CLSTN3: variants seen among roughly 807,000 people sequenced by gnomAD.
CLSTN3 encodes calsyntenin-3.
A neutral mutation model predicts 95.9 loss-of-function variants in CLSTN3; 36 were observed. The observed-to-expected ratio is 0.38, with a 90% confidence interval of 0.29 to 0.50. The LOEUF is 0.50. Among genes scored for constraint, CLSTN3 ranks in the 20% least tolerant of loss-of-function variants. CLSTN3 has a pLI of 0.95. For synonymous variants in CLSTN3, 481 were observed against 504.0 expected (o/e 0.95, Z 0.61); for missense variants, 1,084 against 1,268.8 (o/e 0.85, Z 2.21).
rs866530902 is a variant in CLSTN3, at chr12:7,142,084, A to G, written c.1487-2A>G. ...CTGTTTTTTTTTTTTTTTTATCCCC[A>G]GAGGAGAAGAACAAAGAGAAGGAAA... On this transcript the variant is annotated splice_acceptor_variant, in intron 9 of 17. Transcript: ENST00000266546. LOFTEE classifies it high-confidence loss of function. 6.4e-7 allele frequency: 1 copy of G among 1,563,760 alleles called. No individual in the cohort carries two copies. The highest frequency in any genetic ancestry group is 8.7e-7 in the Non-Finnish European group (1 of 1,149,280).
In CLSTN3 at chr12:7,137,812, G is replaced by GAGAA; in HGVS notation, c.1211-140_1211-139insAAGA. 1.7e-6 allele frequency: 1 copy of GAGAA among 578,024 alleles called. No individual in the cohort carries two copies. The allele number at this position is 578,024 out of a possible 1,614,324, so 35.8% of individuals were successfully genotyped here. A position where few individuals can be genotyped will look rare whatever the true frequency, so the allele number is the denominator to read the frequency against. ...TGTGTGTGTGAGAGAGAGAGAGAGAGAGAGAGAGAGGAAAGAAAAATGCTA... is the reference window on the plus strand; with the variant it reads ...TGTGTGTGTGAGAGAGAGAGAGAGAGAGAAAGAGAGAGAGGAAAGAAAAATGCTA... On this transcript the variant is annotated intron_variant, in intron 7 of 17. Coordinates refer to ENST00000266546, the MANE Select transcript of CLSTN3 (RefSeq NM_014718.4). The surrounding 1 kb of genome is among the most constrained non-coding windows in gnomAD (Gnocchi z 4.4).
Position 7,158,145 on chromosome 12 carries a change from G to T in CLSTN3, c.*64G>T. On this transcript the variant is annotated 3_prime_UTR_variant, in exon 18 of 18. Coordinates refer to ENST00000266546, the MANE Select transcript of CLSTN3 (RefSeq NM_014718.4). ...CTGGTGAAACAGACACTCCAGACAT[G>T]GGAGAAGGACTTTCTGGGAACACAG... 6.9e-7 allele frequency: 1 copy of T among 1,444,520 alleles called. No individual in the cohort carries two copies. The allele number at this position is 1,444,520 out of a possible 1,614,324, so 89.5% of individuals were successfully genotyped here. A position where few individuals can be genotyped will look rare whatever the true frequency, so the allele number is the denominator to read the frequency against.
chr12:7,131,056 G>A, intron 1 of CLSTN3: 1 of 442,392 alleles, frequency 2.3e-6, no homozygotes, highest in Non-Finnish European at 4.2e-6. Context: ...CCCCGAGCCG[G>A]TGATAGGCCT....
In CLSTN3 at chr12:7,142,121, A is replaced by T; in HGVS notation, c.1522A>T (p.Ser508Cys). Reference protein sequence around the residue: ...KNKEKEKGDNSTDTTQGDPLS... With the variant: ...KNKEKEKGDNCTDTTQGDPLS... ...CAAAGAGAAGGAAAAGGGAGACAAC[A>T]GTACAGACACCACCCAAGGTACTCC... The change falls in exon 10 of 18, where the codon AGT (serine) becomes TGT (cysteine). Residue 508 changes from serine (S) to cysteine (C), a missense_variant. Transcript: ENST00000266546. 6.2e-7 allele frequency: 1 copy of T among 1,609,826 alleles called. No individual in the cohort carries two copies. The highest frequency in any genetic ancestry group is 8.5e-7 in the Non-Finnish European group (1 of 1,177,550).
At chr12:7,131,673 C>G in intron 1 of CLSTN3, 1 of 424,508 alleles carries the variant, frequency 2.4e-6, no homozygotes, top group South Asian at 1.7e-5. Flanking sequence ...GGAGGGGGAG[C>G]TGTGCAGAGG....
intron 10 of CLSTN3, 132 bp from the exon 11 acceptor site, chr12:7,142,737 G>C: frequency 4.5e-6 from 1 of 224,116 alleles, no homozygotes; most frequent in South Asian, 7.6e-5. Flanking sequence ...TTTTTTTTTG[G>C]TTTCCACATT....
intron 16 of CLSTN3, 184 bp downstream of exon 16, chr12:7,151,247 C>G (rs1565654049): frequency 1.7e-6 from 1 of 585,972 alleles, no homozygotes; most frequent in East Asian, 3.3e-5. Flanking sequence ...GGATCATTCA[C>G]TTTCCCTTGT....
intron 1 of CLSTN3, 29 bp downstream of exon 1, chr12:7,130,741 A>C: frequency 1.3e-6 from 2 of 1,519,120 alleles, no homozygotes; most frequent in East Asian, 2.4e-5. Context: ...GGGGTACCGA[A>C]AGAGGGGCGT....
intron 12 of CLSTN3, among the ~76,000 whole-genome samples, chr12:7,146,802 G>A (rs1287758455): frequency 6.6e-6 from 1 of 152,314 alleles, no homozygotes; most frequent in South Asian, 2.1e-4. Flanking sequence ...CAGCGGCACA[G>A]CACAGCATTG....
At chr12:7,154,091 T>C (rs756024878) in intron 16 of CLSTN3, among the ~76,000 whole-genome samples, 1 of 152,330 alleles carries the variant, frequency 6.6e-6, no homozygotes, top group African/African-American at 2.4e-5. Context: ...GACACAGAGT[T>C]CGTAGCTTCC....
chr12:7,149,733 C>A lies in CLSTN3; in HGVS notation c.2245+40C>A. 6.5e-7 allele frequency: 1 copy of A among 1,541,248 alleles called. No homozygotes were observed. The highest frequency in any genetic ancestry group is 1.8e-5 in the Admixed American group (1 of 55,338). On this transcript the variant is annotated intron_variant, in intron 14 of 17. Coordinates refer to ENST00000266546, the MANE Select transcript of CLSTN3 (RefSeq NM_014718.4). This position sits in a 1 kb window ranked among gnomAD's most constrained non-coding sequence, Gnocchi z 4.5. ...AGGGCCTGTCCTCTGTGTGTGTGTG[C>A]CCCTCCCAAAAAGTAAGGGCCTAGG... is the stretch of plus-strand genomic sequence containing the variant.
chr12:7,153,066 C>T (rs900109194), intron 16 of CLSTN3, among the ~76,000 whole-genome samples: 3 of 152,334 alleles, frequency 2.0e-5, no homozygotes, highest in Non-Finnish European at 2.9e-5. Flanking sequence ...CCTTGTGCAA[C>T]GGCCACCACC....
rs56109046 is a variant in CLSTN3 at position 7,147,396 on chromosome 12, C to CAAA, written c.1848-1549_1848-1547dup. On this transcript the variant is annotated intron_variant, in intron 12 of 17. Coordinates refer to ENST00000266546, the MANE Select transcript of CLSTN3 (RefSeq NM_014718.4). The stretch of plus-strand genomic sequence containing the variant: ...CCTGGGCAACAGAGAGAGACTCTGC[C>CAAA]AAAAAAAAAAAAAAAAAAAAAAAAA... 4.5e-3 allele frequency among the ~76,000 whole-genome samples: 229 copies of CAAA among 50,564 alleles called. 20 individuals carry two copies. The highest frequency in any genetic ancestry group is 0.013 in the African/African-American group (145 of 11,102). The allele number at this position is 50,564 out of a possible 152,430, so 33.2% of individuals were successfully genotyped here.
rs1939384950 is a variant in CLSTN3 at position 7,135,307 on chromosome 12, C to A, written c.384-20C>A. The A allele has an allele frequency of 6.2e-7, 1 of 1,611,864 alleles. No individual in the cohort carries two copies. Among genetic ancestry groups the A allele is most frequent in the Non-Finnish European group, 8.5e-7 (1 of 1,178,202 alleles). On this transcript the variant is annotated intron_variant, in intron 3 of 17. Transcript: ENST00000266546. ...GCTGGCTGACGTGTCTTCATCCCTC[C>A]TTCTCTCTGGCATATGCAGGGCCAC...
intron 8 of CLSTN3, among the ~76,000 whole-genome samples, chr12:7,139,986 G>A (rs1260048812): frequency 6.6e-6 from 1 of 152,192 alleles, no homozygotes; most frequent in Non-Finnish European, 1.5e-5. Flanking sequence ...CTGTGGGATG[G>A]TTGTATTGAA....
chr12:7,139,287 T>C (rs1939486297), intron 8 of CLSTN3, among the ~76,000 whole-genome samples: 1 of 152,108 alleles, frequency 6.6e-6, no homozygotes, highest in East Asian at 1.9e-4. Context: ...TTGCCTTAGA[T>C]TGGGTGCTCC....
intron 11 of CLSTN3, 34 bp from the exon 12 acceptor site, chr12:7,143,129 C>A: frequency 6.2e-7 from 1 of 1,605,792 alleles, no homozygotes; most frequent in South Asian, 1.1e-5. Context: ...ACCTCCTGGC[C>A]CTGCTCTCAG....
In CLSTN3 at chr12:7,157,587, C is replaced by T. The variant is rs376493763; in HGVS notation, c.2626C>T (p.Arg876Cys). 3.3e-5 allele frequency: 53 copies of T among 1,613,358 alleles called. No homozygotes were observed. The Middle Eastern group carries it at 2.8e-3, about 85-fold the overall frequency. Residue 876 changes from arginine to cysteine, a missense_variant, in exon 17 of 18, where the codon CGC becomes TGC. By Grantham distance (180) the Arg-to-Cys change is radical (BLOSUM62 -3). Transcript: ENST00000266546. The surrounding 1 kb of genome is among the most constrained non-coding windows in gnomAD (Gnocchi z 5.9). ...GGTGCGCATCCATTCCCTTCACCGC[C>T]GCGTCTCAGGGGCCGGCGGGCCTCC... is the stretch of plus-strand genomic sequence containing the variant. The part of the protein sequence containing the change: ...GLVRIHSLHR[R>C]VSGAGGPPGA...
chr12:7,146,036 G>A (rs1939617079), intron 12 of CLSTN3, among the ~76,000 whole-genome samples: 2 of 152,112 alleles, frequency 1.3e-5, no homozygotes, highest in African/African-American at 2.4e-5. Flanking sequence ...TCTAGTCTTC[G>A]AATTTTATTT....
Sources: allele counts gnomAD v4.1 joint callset (sites outside exome capture counted in the v4.1 genomes callset), GRCh38; gene constraint gnomAD v4.1.1; non-coding constraint Gnocchi (gnomAD v3.1); transcripts MANE v1.5; gene names NCBI Gene and HGNC (gene_info 2026-07-23, HGNC 2026-07-21).